Variants in PMS1 observed in about 807,000 individuals in gnomAD.
PMS1 encodes PMS1 homolog 1, mismatch repair system component, also known as PMS1 protein homolog 1.
In PMS1, 79 loss-of-function variants were observed where a neutral mutation model predicts 93.1. The ratio of observed to expected loss-of-function variants is 0.85; its 90% confidence interval spans 0.71 to 1.02. The LOEUF is 1.02. Among genes scored for constraint, PMS1 ranks in the 50% least tolerant of loss-of-function variants. PMS1 has a pLI of 0.00. For missense variants in PMS1, 1,064 were observed against 1,085.3 expected, an observed-to-expected ratio of 0.98 and a Z score of 0.28; for synonymous variants, 335 against 363.4, an observed-to-expected ratio of 0.92 and a Z score of 0.89.
chr2:189,858,706 A>C (rs915373106), intron 9 of PMS1, among the ~76,000 whole-genome samples: 1 of 152,170 alleles, frequency 6.6e-6, no homozygotes, highest in Non-Finnish European at 1.5e-5. Flanking sequence ...GTTGAAAGTA[A>C]ACTATTGAAA....
intron 4 of PMS1, among the ~76,000 whole-genome samples, chr2:189,808,257 G>A (rs1342188872): frequency 2.0e-5 from 3 of 151,918 alleles, no homozygotes; most frequent in African/African-American, 7.3e-5. Flanking sequence ...TTGTAGGTAC[G>A]GGAACAACTT....
intron 2 of PMS1, 45 bp from the exon 3 acceptor site, chr2:189,795,710 TAAGTGTGATAACAG>T: frequency 5.3e-6 from 7 of 1,316,754 alleles, no homozygotes; most frequent in Non-Finnish European, 7.7e-6. Context: ...TGTTTCTTTC[TAAGTGTGATAACAG>T]TTTAATATTT....
intron 12 of PMS1, among the ~76,000 whole-genome samples, chr2:189,874,552 C>A (rs554711399): frequency 6.6e-6 from 1 of 152,234 alleles, no homozygotes; most frequent in African/African-American, 2.4e-5. Flanking sequence ...ATATCTTGTT[C>A]TAGATATCCC....
At chr2:189,842,461 G>T (rs550436397) in intron 5 of PMS1, among the ~76,000 whole-genome samples, 3 of 152,278 alleles carry the variant, frequency 2.0e-5, no homozygotes, top group Non-Finnish European at 4.4e-5. Flanking sequence ...ATTGGACCTT[G>T]TTGAACTGAA....
intron 5 of PMS1, among the ~76,000 whole-genome samples, chr2:189,842,530 C>G (rs256587): frequency 0.087 from 13,205 of 152,172 alleles, 1,046 homozygotes; most frequent in African/African-American, 0.21. Flanking sequence ...GGTCTAGTCT[C>G]TCTGGACCAT....
intron 9 of PMS1, chr2:189,855,861 T>C (rs1325960467): frequency 4.5e-6 from 5 of 1,108,272 alleles, no homozygotes; most frequent in Non-Finnish European, 5.8e-6. Flanking sequence ...TATTATGTTC[T>C]GGTGATCTAA....
intron 5 of PMS1, among the ~76,000 whole-genome samples, chr2:189,835,568 A>AAAT (rs925876924): frequency 6.6e-6 from 1 of 152,186 alleles, no homozygotes; most frequent in Non-Finnish European, 1.5e-5. Flanking sequence ...ACGCAGGAGT[A>AAAT]AATAATAATA....
chr2:189,834,981 GA>G lies in PMS1; in HGVS notation c.583-8982del, dbSNP rs2106383440. ...CTGCCTCAGCCTCCCAAAGTGCTGG[GA>G]TTACAGGCCTGAACCAACATGCCCA... On this transcript the variant is annotated intron_variant, in intron 5 of 12. Coordinates refer to ENST00000441310, the MANE Select transcript of PMS1 (RefSeq NM_000534.5). 2.0e-5 allele frequency among the ~76,000 whole-genome samples: 3 copies of G among 152,268 alleles called. No individual in the cohort carries two copies. In the South Asian group the frequency reaches 6.2e-4, roughly 32 times the overall value.
intron 9 of PMS1, among the ~76,000 whole-genome samples, chr2:189,862,963 G>T (rs552136128): frequency 1.3e-5 from 2 of 152,254 alleles, no homozygotes; most frequent in African/African-American, 4.8e-5. Flanking sequence ...TCAATTTTCA[G>T]TTGTTCTGGA....
intron 11 of PMS1, 136 bp from the exon 12 acceptor site, chr2:189,873,360 T>G: frequency 1.6e-6 from 1 of 630,288 alleles, no homozygotes; most frequent in East Asian, 2.8e-5. Context: ...GTTCTCCAAC[T>G]AAGGAACAAA....
chr2:189,815,553 T>C (rs1039831097), intron 4 of PMS1, among the ~76,000 whole-genome samples: 1 of 152,210 alleles, frequency 6.6e-6, no homozygotes, highest in Non-Finnish European at 1.5e-5. Context: ...TCATGCCGCC[T>C]TGTGAAGAAG....
rs5743060 is a variant in PMS1 at position 189,826,867 on chromosome 2, T to C, written c.582+8687T>C. Reference sequence around the variant, plus strand: ...TAATTAGGTAGTGTTAAAGCCAAAATAGTAAGTGTATGAAACACTAGTTTT... The same window carrying C: ...TAATTAGGTAGTGTTAAAGCCAAAACAGTAAGTGTATGAAACACTAGTTTT... On this transcript the variant is annotated intron_variant, in intron 5 of 12. Coordinates refer to ENST00000441310, the MANE Select transcript of PMS1 (RefSeq NM_000534.5). 5.9e-3 allele frequency among the ~76,000 whole-genome samples: 904 copies of C among 152,298 alleles called. 6 individuals are homozygous for C. The highest frequency in any genetic ancestry group is 0.014 in the Middle Eastern group (4 of 294).
At chr2:189,821,060 C>A (rs2051813261) in intron 5 of PMS1, among the ~76,000 whole-genome samples, 1 of 150,964 alleles carries the variant, frequency 6.6e-6, no homozygotes, top group Admixed American at 6.6e-5. Flanking sequence ...AAAGTTTGTC[C>A]CTAAATTAAA....
chr2:189,827,596 A>G (rs2052548855), intron 5 of PMS1, among the ~76,000 whole-genome samples: 1 of 152,024 alleles, frequency 6.6e-6, no homozygotes, highest in Non-Finnish European at 1.5e-5. Context: ...AATGCCCATC[A>G]AATGATGAAT....
chr2:189,822,893 C>G (rs886740902), intron 5 of PMS1, among the ~76,000 whole-genome samples: 1 of 152,174 alleles, frequency 6.6e-6, no homozygotes, highest in African/African-American at 2.4e-5. Flanking sequence ...CAAGGCTCCA[C>G]TCTTCCTAGA....
At chr2:189,857,555 A>G (rs889967816) in intron 9 of PMS1, 10 of 419,090 alleles carry the variant, frequency 2.4e-5, no homozygotes, top group African/African-American at 2.1e-4. Flanking sequence ...CCTTCAGTCC[A>G]TCCTTTTCTT....
intron 9 of PMS1, chr2:189,857,459 C>A: frequency 2.1e-6 from 1 of 469,162 alleles, no homozygotes; most frequent in Non-Finnish European, 4.4e-6. Context: ...CATTTCTCTT[C>A]CTGTCTTTAT....
chr2:189,835,852 A>G (rs1401140464), intron 5 of PMS1, among the ~76,000 whole-genome samples: 1 of 148,952 alleles, frequency 6.7e-6, no homozygotes, highest in East Asian at 2.0e-4. Flanking sequence ...CCTTGAGTCC[A>G]GGAGGCTGAG....
At chr2:189,828,529 T>C (rs951417836) in intron 5 of PMS1, among the ~76,000 whole-genome samples, 1 of 152,206 alleles carries the variant, frequency 6.6e-6, no homozygotes, top group African/African-American at 2.4e-5. Context: ...ATAAAGCATC[T>C]CTCACAATGT....
Sources: gnomAD v4.1 joint callset for allele counts (sites outside exome capture counted in the v4.1 genomes callset) on GRCh38, gnomAD v4.1.1 for gene constraint, MANE v1.5 for transcripts, NCBI Gene and HGNC (gene_info 2026-07-23, HGNC 2026-07-21) for gene names.